Variants in PITPNC1 observed in about 807,000 individuals in gnomAD.
PITPNC1 encodes the protein phosphatidylinositol transfer protein cytoplasmic 1.
Under a neutral mutation model 44.7 loss-of-function variants are expected in PITPNC1, and 18 were observed. That is an observed-to-expected ratio of 0.40 (90% confidence interval 0.28 to 0.60). The LOEUF is 0.60. Ranked by LOEUF, PITPNC1 falls within the 20% of genes least tolerant of loss-of-function variation. The probability of loss-of-function intolerance (pLI) is 0.39; values close to 1 mark genes in which losing one functional copy is unlikely to be tolerated. For missense variants in PITPNC1, 290 were observed against 418.4 expected (o/e 0.69, Z 2.68); for synonymous variants, 141 against 149.6 (o/e 0.94, Z 0.42).
chr17:67,606,584 G>C (rs1288997455), intron 5 of PITPNC1, among the ~76,000 whole-genome samples: 1 of 152,182 alleles, frequency 6.6e-6, no homozygotes, highest in Non-Finnish European at 1.5e-5. Context: ...CTGTAAGGCT[G>C]TGTCTCCATC....
rs1344491763 is a variant in PITPNC1, at chr17:67,651,101, T to C, written c.463-18407T>C. Among the ~76,000 whole-genome samples the C allele has an allele frequency of 2.0e-5, 3 of 152,332 alleles. No individual in the cohort carries two copies. The East Asian group carries it at 5.8e-4, about 29-fold the overall frequency. On this transcript the variant is annotated intron_variant, in intron 6 of 8. Coordinates refer to ENST00000581322, the MANE Select transcript of PITPNC1 (RefSeq NM_012417.4). ...GACTGCTTCTGGCATGATTTGCATTTAGGGTTTTGGTTTGTTTTTTTTTAA... is the reference window on the plus strand; with the variant it reads ...GACTGCTTCTGGCATGATTTGCATTCAGGGTTTTGGTTTGTTTTTTTTTAA...
chr17:67,520,425 C>G (rs982165361), intron 1 of PITPNC1, among the ~76,000 whole-genome samples: 2 of 152,194 alleles, frequency 1.3e-5, no homozygotes, highest in African/African-American at 4.8e-5. Context: ...AAAGGTCAGA[C>G]TTGTCAGCAA....
chr17:67,410,589 T>G (rs546348926), intron 1 of PITPNC1, among the ~76,000 whole-genome samples: 1 of 151,972 alleles, frequency 6.6e-6, no homozygotes, highest in African/African-American at 2.4e-5. Flanking sequence ...TCTCGCTATG[T>G]TGCCCAGGCT....
intron 1 of PITPNC1, among the ~76,000 whole-genome samples, chr17:67,385,988 G>A (rs2038043425): frequency 6.6e-6 from 1 of 152,302 alleles, no homozygotes; most frequent in African/African-American, 2.4e-5. Context: ...CTGGTTAAAA[G>A]TAGGTAGTAA....
intron 1 of PITPNC1, among the ~76,000 whole-genome samples, chr17:67,485,728 A>G (rs2039769834): frequency 1.3e-5 from 2 of 152,190 alleles, no homozygotes; most frequent in African/African-American, 4.8e-5. Context: ...CATTGGAACT[A>G]CAGAAAAACA....
intron 1 of PITPNC1, among the ~76,000 whole-genome samples, chr17:67,452,521 T>G (rs1424497022): frequency 2.0e-5 from 3 of 151,308 alleles, no homozygotes; most frequent in East Asian, 2.0e-4. Context: ...CTGGGGTTTT[T>G]TTTTTTTTTT....
At chr17:67,488,798 G>T (rs117939280) in intron 1 of PITPNC1, among the ~76,000 whole-genome samples, 3 of 152,156 alleles carry the variant, frequency 2.0e-5, no homozygotes, top group Non-Finnish European at 2.9e-5. Context: ...CTGTCCCTGA[G>T]TTTGACTACT....
chr17:67,506,751 C>A (rs2040108151), intron 1 of PITPNC1, among the ~76,000 whole-genome samples: 1 of 151,934 alleles, frequency 6.6e-6, no homozygotes, highest in Admixed American at 6.6e-5. Flanking sequence ...TTTTATGCAA[C>A]CATTGATAAT....
chr17:67,606,630 AAC>A (rs2041611781), intron 5 of PITPNC1, among the ~76,000 whole-genome samples: 2 of 152,242 alleles, frequency 1.3e-5, no homozygotes, highest in African/African-American at 2.4e-5. Flanking sequence ...TTATAATGGA[AAC>A]ACAGCCACAA....
At chr17:67,623,519 G>A (rs1283385926) in intron 5 of PITPNC1, among the ~76,000 whole-genome samples, 1 of 152,092 alleles carries the variant, frequency 6.6e-6, no homozygotes. Context: ...CGAGCAGCTG[G>A]GACTACAGGC....
At chr17:67,435,948 G>T (rs1025788827) in intron 1 of PITPNC1, among the ~76,000 whole-genome samples, 10 of 152,130 alleles carry the variant, frequency 6.6e-5, no homozygotes, top group African/African-American at 2.4e-4. Flanking sequence ...CCTAAGATGT[G>T]TGAGATACAT....
intron 6 of PITPNC1, among the ~76,000 whole-genome samples, chr17:67,636,281 CA>C (rs4020398): frequency 0.25 from 19,016 of 77,474 alleles, 670 homozygotes; most frequent in Middle Eastern, 0.39. Flanking sequence ...GACTCCGTTT[CA>C]AAAAAAAAAA....
At chr17:67,629,659 G>C (rs762004981) in intron 5 of PITPNC1, among the ~76,000 whole-genome samples, 9 of 152,140 alleles carry the variant, frequency 5.9e-5, no homozygotes, top group Non-Finnish European at 8.8e-5. Flanking sequence ...AAGAAGGAGC[G>C]GGGGGGACTG....
chr17:67,528,582 A>G (rs2040420181), intron 1 of PITPNC1, among the ~76,000 whole-genome samples: 1 of 152,164 alleles, frequency 6.6e-6, no homozygotes, highest in Non-Finnish European at 1.5e-5. Flanking sequence ...TTAGGGATGG[A>G]GCTTTGTAAG....
At chr17:67,463,732 A>C (rs556643216) in intron 1 of PITPNC1, among the ~76,000 whole-genome samples, 2 of 151,716 alleles carry the variant, frequency 1.3e-5, no homozygotes, top group Non-Finnish European at 1.5e-5. Flanking sequence ...GCAAAAACCT[A>C]TCTCTACAAA....
At chr17:67,432,326 A>G (rs2038868337) in intron 1 of PITPNC1, among the ~76,000 whole-genome samples, 6 of 152,088 alleles carry the variant, frequency 3.9e-5, no homozygotes, top group Admixed American at 3.9e-4. Context: ...CGTCTCTACT[A>G]AAAATACAAA....
chr17:67,422,528 C>T (rs1046240502), intron 1 of PITPNC1, among the ~76,000 whole-genome samples: 7 of 152,136 alleles, frequency 4.6e-5, no homozygotes, highest in Non-Finnish European at 8.8e-5. Context: ...CCTGCCCAGC[C>T]CTAGCTTGCT....
intron 5 of PITPNC1, among the ~76,000 whole-genome samples, chr17:67,629,289 T>C (rs1450493294): frequency 8.3e-6 from 1 of 120,364 alleles, no homozygotes; most frequent in Non-Finnish European, 1.8e-5. Flanking sequence ...GTTGTTGTTT[T>C]TGAGACAGAG....
chr17:67,607,214 T>C (rs1467390495), intron 5 of PITPNC1, among the ~76,000 whole-genome samples: 1 of 152,148 alleles, frequency 6.6e-6, no homozygotes, highest in South Asian at 2.1e-4. Context: ...CCAGTTTGAC[T>C]TTGTGCAAGA....
Sources: gnomAD v4.1 joint callset for allele counts (sites outside exome capture counted in the v4.1 genomes callset) on GRCh38, gnomAD v4.1.1 for gene constraint, MANE v1.5 for transcripts, NCBI Gene and HGNC (gene_info 2026-07-23, HGNC 2026-07-21) for gene names.